ST6GALNAC3: variants seen among roughly 807,000 people sequenced by gnomAD.
ST6GALNAC3 encodes ST6 N-acetylgalactosaminide alpha-2,6-sialyltransferase 3, also known as alpha-N-acetylgalactosaminide alpha-2,6-sialyltransferase 3.
A neutral mutation model predicts 32.7 loss-of-function variants in ST6GALNAC3; 25 were observed. The observed-to-expected ratio is 0.76, with a 90% CI of 0.56 to 1.07. ST6GALNAC3 has a LOEUF of 1.07. Among genes scored for constraint, ST6GALNAC3 ranks in the 50% least tolerant of loss-of-function variants. ST6GALNAC3 has a pLI of 0.00. For missense variants in ST6GALNAC3, 355 were observed against 382.4 expected (o/e 0.93, Z 0.60); for synonymous variants, 129 against 133.1 (o/e 0.97, Z 0.21).
At chr1:76,379,098 G>A (rs557378015) in intron 2 of ST6GALNAC3, among the ~76,000 whole-genome samples, 49 of 152,176 alleles carry the variant, frequency 3.2e-4, no homozygotes, top group African/African-American at 1.2e-3. Context: ...GGGCTTCACT[G>A]TGTTAGCCAG....
chr1:76,280,783 C>G (rs1440112534), intron 1 of ST6GALNAC3, among the ~76,000 whole-genome samples: 1 of 152,182 alleles, frequency 6.6e-6, no homozygotes, highest in African/African-American at 2.4e-5. Flanking sequence ...CTTTATTCTA[C>G]TTGAACCTTT....
intron 3 of ST6GALNAC3, among the ~76,000 whole-genome samples, chr1:76,518,807 G>A (rs1218327535): frequency 1.3e-5 from 2 of 152,158 alleles, no homozygotes; most frequent in African/African-American, 4.8e-5. Context: ...GCTCATGCCT[G>A]TAATCCCAGC....
At chr1:76,435,831 C>T (rs756502174) in intron 3 of ST6GALNAC3, among the ~76,000 whole-genome samples, 2 of 151,264 alleles carry the variant, frequency 1.3e-5, no homozygotes, top group Non-Finnish European at 2.9e-5. Context: ...CAGACCTATC[C>T]CCTTATGCTT....
At chr1:76,374,398 G>A (rs1318182489) in intron 2 of ST6GALNAC3, among the ~76,000 whole-genome samples, 4 of 152,244 alleles carry the variant, frequency 2.6e-5, no homozygotes, top group African/African-American at 4.8e-5. Flanking sequence ...ATGAGGCAGA[G>A]CTTGTACATA....
chr1:76,551,144 C>T (rs1489955513), intron 3 of ST6GALNAC3, among the ~76,000 whole-genome samples: 1 of 152,144 alleles, frequency 6.6e-6, no homozygotes, highest in East Asian at 1.9e-4. Flanking sequence ...ATTATTATTA[C>T]TAATTGTGAT....
intron 1 of ST6GALNAC3, among the ~76,000 whole-genome samples, chr1:76,247,195 A>G (rs1657309990): frequency 6.6e-6 from 1 of 152,164 alleles, no homozygotes; most frequent in Admixed American, 6.5e-5. Context: ...GAGGGGCACC[A>G]GGCTAATGCT....
At position 76,400,479 on chromosome 1, in the gene ST6GALNAC3, C is replaced by T. The variant is rs1254772135; in HGVS notation, c.214-11529C>T. Among the ~76,000 whole-genome samples, 8 of 152,242 alleles carry T rather than the reference C, an allele frequency of 5.3e-5. No homozygotes were observed. The East Asian group carries it at 1.5e-3, about 29-fold the overall frequency. On this transcript the variant is annotated intron_variant, in intron 2 of 4. Coordinates refer to ENST00000328299, the MANE Select transcript of ST6GALNAC3 (RefSeq NM_152996.4). ...TATTTAGATTTTGGCATTTGGAAGA[C>T]ATTTTCTCAAAAATGAATGAAGTGG... is the stretch of plus-strand genomic sequence containing the variant.
intron 1 of ST6GALNAC3, among the ~76,000 whole-genome samples, chr1:76,189,076 G>A (rs1174186837): frequency 6.6e-6 from 1 of 152,236 alleles, no homozygotes; most frequent in Non-Finnish European, 1.5e-5. Context: ...CCTGGAGCCA[G>A]TCTCTCTGGT....
intron 2 of ST6GALNAC3, among the ~76,000 whole-genome samples, chr1:76,318,604 G>A (rs1279300485): frequency 6.6e-6 from 1 of 152,022 alleles, no homozygotes; most frequent in Non-Finnish European, 1.5e-5. Flanking sequence ...TGTCTATAAT[G>A]CAATCCCCCA....
chr1:76,229,781 C>T (rs539993965), intron 1 of ST6GALNAC3, among the ~76,000 whole-genome samples: 3 of 152,234 alleles, frequency 2.0e-5, no homozygotes, highest in African/African-American at 7.2e-5. Context: ...CTTGCTGTTC[C>T]ACGTGTGGAA....
At chr1:76,236,969 T>G (rs903011649) in intron 1 of ST6GALNAC3, among the ~76,000 whole-genome samples, 6 of 152,140 alleles carry the variant, frequency 3.9e-5, no homozygotes, top group African/African-American at 1.2e-4. Context: ...GAACCTGTGC[T>G]AGGAATCCCA....
intron 3 of ST6GALNAC3, among the ~76,000 whole-genome samples, chr1:76,506,448 T>C (rs1162894610): frequency 6.6e-6 from 1 of 152,210 alleles, no homozygotes; most frequent in East Asian, 1.9e-4. Context: ...TCCCTGGCTG[T>C]GTGCATCTTC....
chr1:76,436,117 G>A (rs1191469878), intron 3 of ST6GALNAC3, among the ~76,000 whole-genome samples: 1 of 151,912 alleles, frequency 6.6e-6, no homozygotes, highest in Non-Finnish European at 1.5e-5. Context: ...AAACACCTTT[G>A]AATAAAATTT....
Position 76,391,522 on chromosome 1 carries a change from A to ACCTT in ST6GALNAC3, c.214-20438_214-20435dup, listed in dbSNP as rs71071997. On this transcript the variant is annotated intron_variant, in intron 2 of 4. Transcript: ENST00000328299. ...AACAAATCGTAAGCCATTAGGAAAG[A>ACCTT]CCTTCCTTCCTTCCTTCCTTCCTTC... 7.0e-3 allele frequency among the ~76,000 whole-genome samples: 958 copies of ACCTT among 137,702 alleles called. 16 individuals carry two copies. Among genetic ancestry groups the ACCTT allele is most frequent in the African/African-American group, 0.014 (508 of 36,632 alleles). The allele number at this position is 137,702 out of a possible 152,430, so 90.3% of individuals were successfully genotyped here.
At chr1:76,323,674 TAAA>T (rs1009918732) in intron 2 of ST6GALNAC3, among the ~76,000 whole-genome samples, 4 of 152,324 alleles carry the variant, frequency 2.6e-5, no homozygotes, top group African/African-American at 4.8e-5. Flanking sequence ...TAAAGGCTAA[TAAA>T]GAAGGTAGAA....
chr1:76,376,798 C>G (rs1443301433), intron 2 of ST6GALNAC3, among the ~76,000 whole-genome samples: 1 of 152,068 alleles, frequency 6.6e-6, no homozygotes, highest in Non-Finnish European at 1.5e-5. Context: ...TCGTTTCCAC[C>G]ATTTCTCATG....
intron 2 of ST6GALNAC3, among the ~76,000 whole-genome samples, chr1:76,333,030 C>T (rs369736940): frequency 3.9e-5 from 6 of 152,154 alleles, no homozygotes; most frequent in Admixed American, 1.3e-4. Context: ...AGGCTGGACC[C>T]TCTTTGCATC....
At chr1:76,417,056 A>C (rs1654693230) in intron 3 of ST6GALNAC3, among the ~76,000 whole-genome samples, 1 of 152,186 alleles carries the variant, frequency 6.6e-6, no homozygotes, top group South Asian at 2.1e-4. Flanking sequence ...TACCTTTTTG[A>C]AGCAAATGGA....
At chr1:76,166,211 T>C (rs1652115476) in intron 1 of ST6GALNAC3, among the ~76,000 whole-genome samples, 1 of 152,166 alleles carries the variant, frequency 6.6e-6, no homozygotes, top group Non-Finnish European at 1.5e-5. Flanking sequence ...CCAGTTTAAG[T>C]ATTCTGCTTG....
Sources: gnomAD v4.1 joint callset for allele counts (sites outside exome capture counted in the v4.1 genomes callset) on GRCh38, gnomAD v4.1.1 for gene constraint, MANE v1.5 for transcripts, NCBI Gene and HGNC (gene_info 2026-07-23, HGNC 2026-07-21) for gene names.